Variants in BBX observed in about 807,000 individuals in gnomAD.
BBX encodes HMG box transcription factor BBX.
A neutral mutation model predicts 100.2 loss-of-function variants in BBX; 30 were observed. The ratio of observed to expected loss-of-function variants is 0.30; its 90% CI spans 0.22 to 0.41. The LOEUF is 0.41. Among genes scored for constraint, BBX ranks in the 10% least tolerant of loss-of-function variants. BBX has a pLI of 1.00. For missense variants in BBX, 1,023 were observed against 1,129.8 expected (o/e 0.91, Z 1.35); for synonymous variants, 376 against 388.1 (o/e 0.97, Z 0.37).
At chr3:107,774,964 C>A in intron 12 of BBX, 107 bp downstream of exon 12, 1 of 1,314,618 alleles carries the variant, frequency 7.6e-7, no homozygotes, top group Non-Finnish European at 1.0e-6. Context: ...TTTGACTACT[C>A]GCTCAGGACT....
In BBX at chr3:107,710,598, A is replaced by G; in HGVS notation, c.138A>G (p.Glu46=). The change falls in exon 4 of 18, where the codon GAA becomes GAG. Residue 46 remains glutamate (E), a synonymous_variant. Coordinates refer to ENST00000325805, the MANE Select transcript of BBX (RefSeq NM_001142568.3). ...LLDFSEEEEE[E]DEEEDIDKVQ... is the part of the protein sequence containing the mutation. ...ATTTTTCAGAAGAGGAAGAAGAGGA[A>G]GACGAAGAGGAGGATATTGATAAGG... 6.2e-7 allele frequency: 1 copy of G among 1,613,300 alleles called. No individual in the cohort carries two copies. Among genetic ancestry groups the G allele is most frequent in the South Asian group, 1.1e-5 (1 of 90,964 alleles).
At chr3:107,731,646 T>TCCTCTAATAA (rs2063321331) in intron 6 of BBX, among the ~76,000 whole-genome samples, 1 of 152,150 alleles carries the variant, frequency 6.6e-6, no homozygotes, top group Non-Finnish European at 1.5e-5. Context: ...ACATAGTTTT[T>TCCTCTAATAA]CCTCTAATAA....
chr3:107,541,048 A>G (rs903642436), intron 2 of BBX, among the ~76,000 whole-genome samples: 1 of 152,210 alleles, frequency 6.6e-6, no homozygotes, highest in East Asian at 1.9e-4. Context: ...GGCTGGCCAC[A>G]TGAAAGCATG....
chr3:107,526,144 C>T (rs924880221), intron 1 of BBX, among the ~76,000 whole-genome samples, 183 bp from the exon 2 acceptor site: 1 of 152,128 alleles, frequency 6.6e-6, no homozygotes, highest in Non-Finnish European at 1.5e-5. Flanking sequence ...ATACGGGGAG[C>T]TTCTTTGCCT....
intron 2 of BBX, among the ~76,000 whole-genome samples, chr3:107,598,292 C>A (rs2053805817): frequency 1.3e-5 from 2 of 152,138 alleles, no homozygotes; most frequent in African/African-American, 4.8e-5. Flanking sequence ...GTCTTGATTG[C>A]ATCTATGCAT....
At chr3:107,704,587 G>T (rs2061280259) in intron 3 of BBX, among the ~76,000 whole-genome samples, 1 of 152,230 alleles carries the variant, frequency 6.6e-6, no homozygotes, top group Non-Finnish European at 1.5e-5. Context: ...AAGAGCAAGA[G>T]AGGATGAGAG....
chr3:107,575,944 G>A (rs1172451578), intron 2 of BBX, among the ~76,000 whole-genome samples: 1 of 152,184 alleles, frequency 6.6e-6, no homozygotes, highest in East Asian at 1.9e-4. Flanking sequence ...GCTGAGGCAG[G>A]AGAATCAGTT....
chr3:107,759,888 A>G (rs2065762201), intron 10 of BBX, among the ~76,000 whole-genome samples: 1 of 152,314 alleles, frequency 6.6e-6, no homozygotes, highest in East Asian at 1.9e-4. Context: ...ACAATTTTGA[A>G]TGTTCTTTAA....
intron 2 of BBX, among the ~76,000 whole-genome samples, chr3:107,587,386 G>A (rs1324374589): frequency 6.6e-6 from 1 of 150,412 alleles, no homozygotes. Flanking sequence ...CTTTTGGTAA[G>A]CTTTTGAGAA....
At chr3:107,782,904 G>A (rs1015170257) in intron 13 of BBX, among the ~76,000 whole-genome samples, 6 of 151,776 alleles carry the variant, frequency 4.0e-5, no homozygotes, top group East Asian at 1.9e-4. Flanking sequence ...GAGATGGGAC[G>A]GAAGCTTGAG....
chr3:107,709,811 C>T lies in BBX; in HGVS notation c.-9-641C>T, dbSNP rs955223806. 3.3e-5 allele frequency among the ~76,000 whole-genome samples: 5 copies of T among 152,176 alleles called. No homozygotes were observed. The East Asian group carries it at 9.6e-4, about 29-fold the overall frequency. ...TTTTTTACATCAATGAAAAGTAATT[C>T]AGAATTTTAGGCTTCTAAAAGATTT... On this transcript the variant is annotated intron_variant, in intron 3 of 17. Transcript: ENST00000325805.
At chr3:107,597,181 T>G (rs555152792) in intron 2 of BBX, among the ~76,000 whole-genome samples, 67 of 152,340 alleles carry the variant, frequency 4.4e-4, no homozygotes, top group Non-Finnish European at 8.4e-4. Flanking sequence ...CTTTATGTTG[T>G]CCACTTATGA....
At chr3:107,750,325 T>C (rs2064981679) in intron 9 of BBX, among the ~76,000 whole-genome samples, 1 of 152,140 alleles carries the variant, frequency 6.6e-6, no homozygotes, top group African/African-American at 2.4e-5. Flanking sequence ...TTTGAAAACT[T>C]ATTAGGAGTT....
At chr3:107,630,980 G>A (rs908511579) in intron 2 of BBX, among the ~76,000 whole-genome samples, 4 of 152,174 alleles carry the variant, frequency 2.6e-5, no homozygotes, top group Non-Finnish European at 5.9e-5. Context: ...GGAGGACCCT[G>A]GGTGACATCT....
intron 3 of BBX, among the ~76,000 whole-genome samples, chr3:107,696,217 G>A (rs1482365308): frequency 1.3e-5 from 2 of 151,800 alleles, no homozygotes; most frequent in African/African-American, 4.9e-5. Context: ...ATATTGTTAT[G>A]TGTGAATTTG....
intron 3 of BBX, chr3:107,659,799 C>T: frequency 8.1e-7 from 1 of 1,234,980 alleles, no homozygotes. Flanking sequence ...AAGTGGTACC[C>T]TGGGTTTAGT....
chr3:107,528,590 T>C (rs188217379), intron 2 of BBX, among the ~76,000 whole-genome samples: 1 of 152,358 alleles, frequency 6.6e-6, no homozygotes, highest in Admixed American at 6.5e-5. Context: ...ATAGCACTTT[T>C]GACCTTATAG....
rs2052441638 is a variant in BBX, at chr3:107,583,555, A to G, written c.-84+57157A>G. Reference sequence around the variant, plus strand: ...TATAGTATGTAATGATCAAATCGGGATAATTGGAATATTTATCACCTTGAA... The same window carrying G: ...TATAGTATGTAATGATCAAATCGGGGTAATTGGAATATTTATCACCTTGAA... On this transcript the variant is annotated intron_variant, in intron 2 of 17. Transcript: ENST00000325805. Among the ~76,000 whole-genome samples, 3 of 151,862 alleles carry G rather than the reference A, an allele frequency of 2.0e-5. No individual in the cohort carries two copies. In the South Asian group the frequency reaches 6.2e-4, roughly 31 times the overall value.
At chr3:107,727,496 T>C (rs1200736612) in intron 5 of BBX, among the ~76,000 whole-genome samples, 3 of 151,182 alleles carry the variant, frequency 2.0e-5, no homozygotes, top group Admixed American at 2.0e-4. Flanking sequence ...AAAATGGGAC[T>C]GTATTCTACA....
Sources: allele counts gnomAD v4.1 joint callset (sites outside exome capture counted in the v4.1 genomes callset), GRCh38; gene constraint gnomAD v4.1.1; transcripts MANE v1.5; gene names NCBI Gene and HGNC (gene_info 2026-07-23, HGNC 2026-07-21).